CHRM3: variants seen among roughly 807,000 people sequenced by gnomAD.
CHRM3 encodes the protein muscarinic acetylcholine receptor M3.
CHRM3 carries 11 observed loss-of-function variants against 41.8 expected under a neutral mutation model. The ratio of observed to expected loss-of-function variants is 0.26; its 90% CI spans 0.17 to 0.44. CHRM3 has a LOEUF of 0.44. CHRM3 is among the 20% of genes least tolerant of loss of function. CHRM3 has a pLI of 1.00. For missense variants in CHRM3, 571 were observed against 745.4 expected (o/e 0.77, Z 2.72); for synonymous variants, 297 against 301.4 (o/e 0.99, Z 0.15).
chr1:239,807,671 C>A (rs961051440), intron 5 of CHRM3, among the ~76,000 whole-genome samples: 5 of 152,326 alleles, frequency 3.3e-5, no homozygotes, highest in African/African-American at 9.6e-5. Flanking sequence ...TTCCTCACTT[C>A]ATCTTTGATC....
At position 239,635,494 on chromosome 1, in the gene CHRM3, C is replaced by T. The variant is rs1670365769; in HGVS notation, c.-250+3208C>T. ...GCACTGATCCCCTGGCTCTTGTTTA[C>T]TACTTGACCCTTCCAGTCAAATCTC... On this transcript the variant is annotated intron_variant, in intron 4 of 6. Coordinates refer to ENST00000676153, the MANE Select transcript of CHRM3 (RefSeq NM_001375978.1). 1.3e-5 allele frequency among the ~76,000 whole-genome samples: 2 copies of T among 152,192 alleles called. 1 individual carries two copies. The highest frequency in any genetic ancestry group is 1.3e-4 in the Admixed American group (2 of 15,274).
chr1:239,389,289 C>G (rs1363811341), intron 1 of CHRM3, among the ~76,000 whole-genome samples: 2 of 152,076 alleles, frequency 1.3e-5, no homozygotes, highest in African/African-American at 4.8e-5. Context: ...TACATTTAAG[C>G]TTATTTAGGA....
intron 1 of CHRM3, among the ~76,000 whole-genome samples, chr1:239,490,212 T>A (rs1667468005): frequency 6.6e-6 from 1 of 152,220 alleles, no homozygotes; most frequent in South Asian, 2.1e-4. Flanking sequence ...AGTTGGCAGT[T>A]CTGGTTTTCA....
At chr1:239,637,478 C>A (rs1161153610) in intron 4 of CHRM3, among the ~76,000 whole-genome samples, 2 of 128,088 alleles carry the variant, frequency 1.6e-5, no homozygotes, top group Non-Finnish European at 3.4e-5. Flanking sequence ...ATTTTTAAGG[C>A]TTTTGATATT....
chr1:239,773,394 G>A (rs1667841865), intron 5 of CHRM3, among the ~76,000 whole-genome samples: 1 of 152,148 alleles, frequency 6.6e-6, no homozygotes, highest in Admixed American at 6.5e-5. Flanking sequence ...TCTCAAATAT[G>A]AAGAGGTCTG....
intron 1 of CHRM3, among the ~76,000 whole-genome samples, chr1:239,485,674 A>G (rs1440375148): frequency 6.6e-6 from 1 of 152,148 alleles, no homozygotes; most frequent in African/African-American, 2.4e-5. Context: ...GTCACCTGTG[A>G]GATTTCCTCA....
intron 5 of CHRM3, among the ~76,000 whole-genome samples, chr1:239,782,127 T>G (rs545817506): frequency 1.3e-5 from 2 of 152,238 alleles, no homozygotes; most frequent in South Asian, 4.1e-4. Flanking sequence ...GTTAGCCTCA[T>G]AGAGTGTATT....
chr1:239,403,779 C>T (rs549563201), intron 1 of CHRM3, among the ~76,000 whole-genome samples: 1 of 151,982 alleles, frequency 6.6e-6, no homozygotes, highest in Non-Finnish European at 1.5e-5. Context: ...ACATCATAAT[C>T]ATATGGGATG....
intron 5 of CHRM3, among the ~76,000 whole-genome samples, chr1:239,812,600 G>A (rs1244663238): frequency 1.3e-5 from 2 of 152,146 alleles, no homozygotes; most frequent in Non-Finnish European, 2.9e-5. Flanking sequence ...GTGTAAGGCT[G>A]ACTTACACTA....
intron 2 of CHRM3, among the ~76,000 whole-genome samples, chr1:239,529,891 A>G (rs977925929): frequency 4.0e-5 from 6 of 151,312 alleles, no homozygotes; most frequent in Non-Finnish European, 8.8e-5. Context: ...TCCACAATTT[A>G]TTATTATTAT....
chr1:239,771,357 A>G (rs1667654004), intron 5 of CHRM3, among the ~76,000 whole-genome samples: 1 of 151,950 alleles, frequency 6.6e-6, no homozygotes, highest in South Asian at 2.1e-4. Context: ...AATTGATCTC[A>G]TTCCCTGAGA....
At chr1:239,582,073 A>G (rs143027732) in intron 3 of CHRM3, among the ~76,000 whole-genome samples, 273 of 152,286 alleles carry the variant, frequency 1.8e-3, no homozygotes, top group African/African-American at 6.4e-3. Flanking sequence ...ACAACTTTTA[A>G]TTTCTTGTGA....
chr1:239,889,189 G>T (rs1356620476), intron 6 of CHRM3, among the ~76,000 whole-genome samples: 2 of 152,168 alleles, frequency 1.3e-5, no homozygotes, highest in African/African-American at 2.4e-5. Flanking sequence ...TAGATGCCTG[G>T]TGAGGAGGTG....
intron 6 of CHRM3, among the ~76,000 whole-genome samples, chr1:239,888,957 G>A (rs1012847899): frequency 6.6e-6 from 1 of 152,268 alleles, no homozygotes; most frequent in Middle Eastern, 3.4e-3. Context: ...CTCCATAGTG[G>A]GCTGGTAATT....
rs544610087 is a variant in CHRM3 at position 239,501,037 on chromosome 1, A to G, written c.-422+8230A>G. On this transcript the variant is annotated intron_variant, in intron 2 of 6. Coordinates refer to ENST00000676153, the MANE Select transcript of CHRM3 (RefSeq NM_001375978.1). ...GCAGTTAAAAGAGACAAAGAGGTAC[A>G]TTATATAATGGTAAAAGACCTTGTG... Among the ~76,000 whole-genome samples the G allele has an allele frequency of 6.6e-5, 10 of 152,374 alleles. No homozygotes were observed. The South Asian group carries it at 2.1e-3, about 32-fold the overall frequency.
rs191753317 is a variant in CHRM3, at chr1:239,560,592, G to A, written c.-313+14843G>A. Reference sequence around the variant, plus strand: ...TTCCAAGGATACGTAACATTGTATCGTATGAATGTACCAAAATTTATTTAT... The same window carrying A: ...TTCCAAGGATACGTAACATTGTATCATATGAATGTACCAAAATTTATTTAT... On this transcript the variant is annotated intron_variant, in intron 3 of 6. Transcript: ENST00000676153. Among the ~76,000 whole-genome samples, 316 of 151,832 alleles carry A rather than the reference G, an allele frequency of 2.1e-3. 4 individuals carry two copies. The highest frequency in any genetic ancestry group is 8.3e-3 in the Admixed American group (126 of 15,244).
At chr1:239,569,064 GA>G (rs1661607322) in intron 3 of CHRM3, among the ~76,000 whole-genome samples, 2 of 152,102 alleles carry the variant, frequency 1.3e-5, no homozygotes, top group African/African-American at 4.8e-5. Context: ...AGGAAAAGTG[GA>G]ATCCATTGCT....
chr1:239,801,356 T>C (rs1036394034), intron 5 of CHRM3, among the ~76,000 whole-genome samples: 13 of 152,188 alleles, frequency 8.5e-5, no homozygotes, highest in African/African-American at 2.9e-4. Context: ...CCACTGTCTC[T>C]CTCCTGTCCA....
rs531868959 is a variant in CHRM3, at chr1:239,438,057, A to C, written c.-521+50830A>C. Among the ~76,000 whole-genome samples, 86 of 152,316 alleles carry C rather than the reference A, an allele frequency of 5.6e-4. 1 individual carries two copies. Among genetic ancestry groups the C allele is most frequent in the Non-Finnish European group, 9.4e-4 (64 of 68,028 alleles). The stretch of plus-strand genomic sequence containing the variant: ...CAGCAGATGGAACCACAGACTCTAA[A>C]GCTCAGCAATGACTTCTTCACTGTT... On this transcript the variant is annotated intron_variant, in intron 1 of 6. Coordinates refer to ENST00000676153, the MANE Select transcript of CHRM3 (RefSeq NM_001375978.1).
Sources: gnomAD v4.1 joint callset for allele counts (sites outside exome capture counted in the v4.1 genomes callset) on GRCh38, gnomAD v4.1.1 for gene constraint, MANE v1.5 for transcripts, NCBI Gene and HGNC (gene_info 2026-07-23, HGNC 2026-07-21) for gene names.